Variants in TAMM41 observed in about 807,000 individuals in gnomAD.
The protein encoded by TAMM41 is TAM41 mitochondrial translocator assembly and maintenance homolog, also known as phosphatidate cytidylyltransferase, mitochondrial.
In TAMM41, 36 loss-of-function variants were observed where a neutral mutation model predicts 44.1. The ratio of observed to expected loss-of-function variants is 0.82; its 90% CI spans 0.63 to 1.08. TAMM41 has a LOEUF of 1.08. Among genes scored for constraint, TAMM41 ranks in the 50% least tolerant of loss-of-function variants. The pLI is 0.00. For missense variants in TAMM41, 417 were observed against 404.3 expected, an observed-to-expected ratio of 1.03 and a Z score of -0.27; for synonymous variants, 164 against 153.1, an observed-to-expected ratio of 1.07 and a Z score of -0.53.
the TAMM41 span, among the ~76,000 whole-genome samples, chr3:11,729,083 A>G: frequency 2.6e-5 from 4 of 151,962 alleles, no homozygotes. Flanking sequence ...TTCTTTTCAC[A>G]GCATGGTTCT....
At chr3:11,739,592 G>A in the TAMM41 span, among the ~76,000 whole-genome samples, 3 of 147,578 alleles carry the variant, frequency 2.0e-5, no homozygotes, top group South Asian at 6.4e-4. Flanking sequence ...GAATTGCTTG[G>A]ACCCGGGAGG....
chr3:11,831,302 T>C (rs74350200), intron 3 of TAMM41, among the ~76,000 whole-genome samples: 2 of 152,318 alleles, frequency 1.3e-5, no homozygotes, highest in East Asian at 3.9e-4. Flanking sequence ...TCTTAAGCAA[T>C]GCCCAGGGAC....
the TAMM41 span, among the ~76,000 whole-genome samples, chr3:11,764,288 G>A: frequency 1.3e-5 from 2 of 151,184 alleles, no homozygotes; most frequent in Non-Finnish European, 2.9e-5. Flanking sequence ...GAGCCATGGC[G>A]CCCAGACCTG....
At chr3:11,730,366 C>G in the TAMM41 span, among the ~76,000 whole-genome samples, 35 of 143,556 alleles carry the variant, frequency 2.4e-4, no homozygotes, top group African/African-American at 8.2e-4. Flanking sequence ...TGCAGTGAGC[C>G]AAGATCACAC....
chr3:11,766,972 T>TC, the TAMM41 span, among the ~76,000 whole-genome samples: 10 of 152,022 alleles, frequency 6.6e-5, no homozygotes, highest in African/African-American at 9.7e-5. Context: ...TTTACCCAGT[T>TC]CCCCCCACTG....
the TAMM41 span, among the ~76,000 whole-genome samples, chr3:11,735,882 C>G: frequency 1.3e-5 from 2 of 152,020 alleles, no homozygotes; most frequent in African/African-American, 2.4e-5. Context: ...GAGTACCCAG[C>G]ATGTTTCCAA....
the TAMM41 span, among the ~76,000 whole-genome samples, chr3:11,757,450 G>A: frequency 6.6e-6 from 1 of 152,262 alleles, no homozygotes; most frequent in African/African-American, 2.4e-5. Flanking sequence ...GAGGAACTCA[G>A]AGACTGACAT....
intron 5 of TAMM41, among the ~76,000 whole-genome samples, chr3:11,815,248 G>C (rs529431473): frequency 1.3e-5 from 2 of 152,114 alleles, no homozygotes; most frequent in African/African-American, 4.8e-5. Context: ...AAACTAGCAC[G>C]GGGGAGGCAA....
At chr3:11,744,151 T>C in the TAMM41 span, among the ~76,000 whole-genome samples, 1 of 151,886 alleles carries the variant, frequency 6.6e-6, no homozygotes. Flanking sequence ...CACTGCAACC[T>C]CCGCCTCCTG....
At chr3:11,827,315 T>G (rs1208512138) in intron 4 of TAMM41, among the ~76,000 whole-genome samples, 1 of 151,562 alleles carries the variant, frequency 6.6e-6, no homozygotes, top group Admixed American at 6.6e-5. Flanking sequence ...TTTTCTTTTT[T>G]TTTTTTTGAG....
intron 5 of TAMM41, among the ~76,000 whole-genome samples, chr3:11,813,888 A>ATGTATATATG (rs2078177923): frequency 6.7e-6 from 1 of 149,918 alleles, no homozygotes; most frequent in African/African-American, 2.5e-5. Flanking sequence ...ATATGTATAT[A>ATGTATATATG]TGTGTATATA....
the TAMM41 span, among the ~76,000 whole-genome samples, chr3:11,752,669 G>C: frequency 1.3e-5 from 1 of 79,960 alleles, no homozygotes; most frequent in Non-Finnish European, 2.3e-5. Flanking sequence ...ACAGGGTCTT[G>C]CTCTCTATCA....
the TAMM41 span, among the ~76,000 whole-genome samples, chr3:11,726,783 C>T: frequency 6.8e-6 from 1 of 146,222 alleles, no homozygotes; most frequent in Non-Finnish European, 1.5e-5. Flanking sequence ...AGCCTGGCAG[C>T]CTGGGCGACT....
intron 3 of TAMM41, among the ~76,000 whole-genome samples, chr3:11,835,416 A>G (rs953422617): frequency 3.3e-5 from 5 of 152,254 alleles, no homozygotes; most frequent in African/African-American, 1.2e-4. Context: ...CTTGTGCTAG[A>G]AGCATTAAAA....
At chr3:11,788,861 C>T (rs1186938187), downstream of TAMM41, among the ~76,000 whole-genome samples, 2 of 151,892 alleles carry the variant, frequency 1.3e-5, no homozygotes, top group African/African-American at 4.8e-5. Context: ...TGCTTGAACC[C>T]AGGAGGTGGA....
Position 11,839,328 on chromosome 3 carries a change from G to C in TAMM41, c.319-14C>G. On this transcript the variant is annotated splice_polypyrimidine_tract_variant and intron_variant, in intron 2 of 7. Coordinates refer to ENST00000455809, the MANE Select transcript of TAMM41 (RefSeq NM_001284401.2). The stretch of plus-strand genomic sequence containing the variant: ...ATATTTGATAAGCTGAAGGAAAAAA[G>C]AAATGGCACAAAACGGAGTAAAATA... The C allele has an allele frequency of 6.5e-7, 1 of 1,546,510 alleles. No homozygotes were observed. The highest frequency in any genetic ancestry group is 8.9e-7 in the Non-Finnish European group (1 of 1,122,552).
At chr3:11,836,308 T>C (rs1269869590) in intron 3 of TAMM41, among the ~76,000 whole-genome samples, 1 of 151,712 alleles carries the variant, frequency 6.6e-6, no homozygotes, top group Non-Finnish European at 1.5e-5. Context: ...CAATTTTCAA[T>C]ACCTTTGTGG....
chr3:11,828,273 A>C (rs2078839367), intron 4 of TAMM41, among the ~76,000 whole-genome samples: 1 of 152,192 alleles, frequency 6.6e-6, no homozygotes, highest in African/African-American at 2.4e-5. Context: ...TCCAGCAAAA[A>C]TCAGCTAAAC....
Position 11,802,880 on chromosome 3 carries a change from G to A in TAMM41, c.937+4953C>T, listed in dbSNP as rs111738315. ...ATCAGGTGGGATTTATCCCAGGGAT[G>A]CAAGGATGGTTCAATATATACAAAT... On this transcript the variant is annotated intron_variant, in intron 7 of 7. Transcript: ENST00000455809. 6.2e-3 allele frequency among the ~76,000 whole-genome samples: 937 copies of A among 152,354 alleles called. 7 individuals are homozygous for A. The highest frequency in any genetic ancestry group is 0.034 in the Middle Eastern group (10 of 294).
Sources: allele counts gnomAD v4.1 joint callset (sites outside exome capture counted in the v4.1 genomes callset), GRCh38; gene constraint gnomAD v4.1.1; transcripts MANE v1.5; gene names NCBI Gene and HGNC (gene_info 2026-07-23, HGNC 2026-07-21).